The following CCDC175 variants were observed in gnomAD, a reference collection of about 807,000 sequenced individuals.
CCDC175 encodes the protein coiled-coil domain-containing protein 175.
Under a neutral mutation model 114.6 loss-of-function variants are expected in CCDC175, and 100 were observed. The observed-to-expected ratio is 0.87, with a 90% confidence interval of 0.74 to 1.03. The LOEUF (loss-of-function observed/expected upper bound fraction) is 1.03, where lower values mean the gene tolerates loss of function less well. Among genes scored for constraint, CCDC175 ranks in the 50% least tolerant of loss-of-function variants. The pLI is 0.00. For synonymous variants in CCDC175, 306 were observed against 308.7 expected (o/e 0.99, Z 0.09); for missense variants, 880 against 917.8 (o/e 0.96, Z 0.53).
At chr14:59,545,801 C>T (rs1956356) in intron 8 of CCDC175, among the ~76,000 whole-genome samples, 78,617 of 151,918 alleles carry the variant, frequency 0.52, 21,608 homozygotes, top group East Asian at 0.82. Flanking sequence ...TCAAGTTTAG[C>T]GGAAACAATG....
chr14:59,513,073 G>A (rs952656992), intron 17 of CCDC175, among the ~76,000 whole-genome samples: 2 of 152,060 alleles, frequency 1.3e-5, no homozygotes, highest in Non-Finnish European at 2.9e-5. Context: ...TAATACAATG[G>A]CAAAAGCATA....
At position 59,543,400 on chromosome 14, in the gene CCDC175, C is replaced by T. The variant is rs35772349; in HGVS notation, c.1227G>A (p.Lys409=). ...CTTCCATATTTTTGATGTCTACTCTCTTTTGTGACAGAAAGTATTCTTTCT... is the reference window on the plus strand; with the variant it reads ...CTTCCATATTTTTGATGTCTACTCTTTTTTGTGACAGAAAGTATTCTTTCT... ...ISQKEYFLSQ[K]RVDIKNMEEG... is the part of the protein sequence containing the mutation. Residue 409 remains lysine, a synonymous_variant, in exon 10 of 20, where the codon AAG becomes AAA. Transcript: ENST00000537690. The T allele has an allele frequency of 0.026, 38,896 of 1,477,892 alleles. 613 individuals carry two copies. The highest frequency in any genetic ancestry group is 0.032 in the Non-Finnish European group (35,603 of 1,109,586). The allele number at this position is 1,477,892 out of a possible 1,614,324, so 91.5% of individuals were successfully genotyped here.
intron 4 of CCDC175, among the ~76,000 whole-genome samples, chr14:59,566,765 C>G (rs959685737): frequency 7.2e-5 from 11 of 152,186 alleles, no homozygotes; most frequent in East Asian, 1.9e-4. Flanking sequence ...ACATACCCAC[C>G]ACCTGTCAGA....
At chr14:59,527,290 CT>C in intron 14 of CCDC175, 116 bp from the exon 15 acceptor site, 1 of 549,390 alleles carries the variant, frequency 1.8e-6, no homozygotes, top group Non-Finnish European at 3.1e-6. Flanking sequence ...CAAAAACCAA[CT>C]GTCAGGCACT....
At chr14:59,547,524 A>C (rs1006031593) in intron 8 of CCDC175, among the ~76,000 whole-genome samples, 3 of 152,242 alleles carry the variant, frequency 2.0e-5, no homozygotes, top group African/African-American at 7.2e-5. Flanking sequence ...AAATGAATAG[A>C]GTCAACAATC....
At chr14:59,532,874 G>A (rs946919736) in intron 13 of CCDC175, among the ~76,000 whole-genome samples, 4 of 152,146 alleles carry the variant, frequency 2.6e-5, no homozygotes, top group African/African-American at 9.7e-5. Flanking sequence ...GCATCTTCCC[G>A]ACTAGATGTT....
intron 1 of CCDC175, among the ~76,000 whole-genome samples, chr14:59,575,984 G>T (rs1304169556): frequency 1.3e-5 from 2 of 152,154 alleles, no homozygotes; most frequent in African/African-American, 4.8e-5. Flanking sequence ...GAAATGTTTT[G>T]TTGTTTGGCC....
intron 17 of CCDC175, among the ~76,000 whole-genome samples, chr14:59,514,743 C>T (rs1180697013): frequency 6.6e-6 from 1 of 152,160 alleles, no homozygotes; most frequent in Non-Finnish European, 1.5e-5. Flanking sequence ...AAACACTCTG[C>T]AGGATATCAT....
chr14:59,511,548 TAAAAAAA>T (rs34490884), intron 18 of CCDC175, among the ~76,000 whole-genome samples: 2 of 94,648 alleles, frequency 2.1e-5, no homozygotes, highest in African/African-American at 4.1e-5. Flanking sequence ...TGATATTTGG[TAAAAAAA>T]AAAAAAAAAA....
At chr14:59,553,281 C>T (rs1045217534) in intron 7 of CCDC175, among the ~76,000 whole-genome samples, 2 of 152,180 alleles carry the variant, frequency 1.3e-5, no homozygotes, top group Non-Finnish European at 2.9e-5. Context: ...AGAAACTCTA[C>T]AAGCCAGAAG....
At chr14:59,536,815 T>C (rs1894428258) in intron 13 of CCDC175, among the ~76,000 whole-genome samples, 1 of 152,254 alleles carries the variant, frequency 6.6e-6, no homozygotes, top group Non-Finnish European at 1.5e-5. Context: ...GGAGTCTCGC[T>C]CTGTCGCCCA....
At chr14:59,525,933 T>G (rs1893708673) in intron 15 of CCDC175, among the ~76,000 whole-genome samples, 1 of 152,160 alleles carries the variant, frequency 6.6e-6, no homozygotes, top group Admixed American at 6.5e-5. Context: ...GATTTGAGCA[T>G]CCGTGGATTT....
intron 15 of CCDC175, among the ~76,000 whole-genome samples, chr14:59,526,504 C>T (rs1336510006): frequency 6.7e-6 from 1 of 150,200 alleles, no homozygotes; most frequent in African/African-American, 2.5e-5. Context: ...TGCAGTAAGC[C>T]GAGATTGTGC....
At chr14:59,574,224 T>G (rs1896986030) in intron 2 of CCDC175, among the ~76,000 whole-genome samples, 1 of 152,190 alleles carries the variant, frequency 6.6e-6, no homozygotes. Context: ...GGATTCAAAC[T>G]CATTTACAGC....
intron 16 of CCDC175, among the ~76,000 whole-genome samples, chr14:59,524,145 C>G (rs1893602400): frequency 6.6e-6 from 1 of 152,106 alleles, no homozygotes; most frequent in Non-Finnish European, 1.5e-5. Flanking sequence ...GTCTTTCAAA[C>G]TAAAGAATAT....
chr14:59,553,561 G>A (rs531720081), intron 7 of CCDC175, among the ~76,000 whole-genome samples: 1,777 of 152,226 alleles, frequency 0.012, 31 homozygotes, highest in African/African-American at 0.04. Flanking sequence ...ATCAACTAAC[G>A]AGCAAAATAA....
chr14:59,550,565 A>G (rs1234022728), intron 8 of CCDC175, among the ~76,000 whole-genome samples: 1 of 152,170 alleles, frequency 6.6e-6, no homozygotes, highest in African/African-American at 2.4e-5. Flanking sequence ...ATAGATGTAT[A>G]CATAAAGGGG....
chr14:59,574,861 T>G (rs1038867223), intron 2 of CCDC175, 82 bp downstream of exon 2: 1 of 739,524 alleles, frequency 1.4e-6, no homozygotes, highest in South Asian at 1.8e-5. Context: ...TACTTAATAC[T>G]TTGAACAGAA....
At chr14:59,526,184 T>C (rs1471220246) in intron 15 of CCDC175, among the ~76,000 whole-genome samples, 1 of 152,236 alleles carries the variant, frequency 6.6e-6, no homozygotes, top group African/African-American at 2.4e-5. Flanking sequence ...AGTTGCATGA[T>C]ATTTATTATT....
Sources: allele counts gnomAD v4.1 joint callset (sites outside exome capture counted in the v4.1 genomes callset), GRCh38; gene constraint gnomAD v4.1.1; transcripts MANE v1.5; gene names NCBI Gene and HGNC (gene_info 2026-07-23, HGNC 2026-07-21).